MOV10: variants seen among roughly 807,000 people sequenced by gnomAD.
MOV10 encodes the protein Mov10 RNA helicase.
In MOV10, 39 loss-of-function variants were observed where a neutral mutation model predicts 108.4. The observed-to-expected ratio is 0.36, with a 90% CI of 0.28 to 0.47. The LOEUF is 0.47. Among genes scored for constraint, MOV10 ranks in the 20% least tolerant of loss-of-function variants. MOV10 has a pLI of 1.00. For missense variants in MOV10, 952 were observed against 1,297.6 expected, an observed-to-expected ratio of 0.73 and a Z score of 4.09; for synonymous variants, 490 against 523.1, an observed-to-expected ratio of 0.94 and a Z score of 0.86.
At chr1:112,688,091 T>G (rs1673229428) in intron 2 of MOV10, among the ~76,000 whole-genome samples, 1 of 151,986 alleles carries the variant, frequency 6.6e-6, no homozygotes, top group Non-Finnish European at 1.5e-5. Flanking sequence ...ACTGAGCCCC[T>G]CTGTGGCCGA....
chr1:112,680,655 C>CAAAAA (rs1229116415), intron 2 of MOV10, among the ~76,000 whole-genome samples: 1 of 36,888 alleles, frequency 2.7e-5, no homozygotes, highest in Admixed American at 3.9e-4. Context: ...GACTCCGTCT[C>CAAAAA]AAAAAAAAAA....
chr1:112,684,362 G>A (rs1171216691), intron 2 of MOV10, among the ~76,000 whole-genome samples: 1 of 151,196 alleles, frequency 6.6e-6, no homozygotes, highest in Admixed American at 6.6e-5. Flanking sequence ...CCGCCTCCTG[G>A]GTTCAAGCGA....
intron 2 of MOV10, among the ~76,000 whole-genome samples, chr1:112,678,321 G>T (rs945751416): frequency 6.6e-6 from 1 of 152,120 alleles, no homozygotes; most frequent in East Asian, 1.9e-4. Context: ...GAGAGAAGAT[G>T]ATTCTTGCTT....
At chr1:112,690,741 A>T (rs1056503128) in intron 5 of MOV10, among the ~76,000 whole-genome samples, 1 of 152,140 alleles carries the variant, frequency 6.6e-6, no homozygotes, top group African/African-American at 2.4e-5. Context: ...ACAATTCAGT[A>T]ATTTTTTTAG....
In MOV10 at chr1:112,698,106, C is replaced by A. The variant is rs748152573; in HGVS notation, c.2311C>A (p.Arg771=). 6.2e-7 allele frequency: 1 copy of A among 1,613,894 alleles called. No individual in the cohort carries two copies. The highest frequency in any genetic ancestry group is 8.5e-7 in the Non-Finnish European group (1 of 1,179,860). The change falls in exon 15 of 21, where the codon CGA becomes AGA. Residue 771 remains arginine (R), a synonymous_variant. Transcript: ENST00000369645. The part of the protein sequence containing the change: ...ERFCRWAGLP[R]QGFPIIFHGV... ...CTTCTGCCGCTGGGCGGGCCTACCT[C>A]GACAGGTGAGGCTGAGCAGGGCAGG...
At chr1:112,699,360 T>C (rs1242046759) in intron 17 of MOV10, 23 of 737,990 alleles carry the variant, frequency 3.1e-5, no homozygotes, top group Non-Finnish European at 4.2e-5. Context: ...CCCAGGGTTG[T>C]ATATTCTTAA....
chr1:112,685,516 G>A (rs1673002371), intron 2 of MOV10, among the ~76,000 whole-genome samples: 1 of 151,784 alleles, frequency 6.6e-6, no homozygotes, highest in Non-Finnish European at 1.5e-5. Flanking sequence ...TTAGCTGGGT[G>A]TGGTGGCGTG....
At chr1:112,693,802 ATC>A in intron 7 of MOV10, 1 of 464,244 alleles carries the variant, frequency 2.2e-6, no homozygotes, top group Non-Finnish European at 3.9e-6. Flanking sequence ...TGGGCTCGGC[ATC>A]TCTGGGCAGC....
At position 112,694,331 on chromosome 1, in the gene MOV10, G is replaced by A. The variant is rs1385867600; in HGVS notation, c.1296-122G>A. On this transcript the variant is annotated intron_variant, in intron 8 of 20. Transcript: ENST00000369645. This position sits in a 1 kb window ranked among gnomAD's most constrained non-coding sequence, Gnocchi z 4.1. ...GATGCTACGGCAGCTTCCTCTTCTA[G>A]AGAACTTGCATAGAGGTCTTGGAAA... 3 of 1,438,860 alleles carry A rather than the reference G, an allele frequency of 2.1e-6. No individual in the cohort carries two copies. The highest frequency in any genetic ancestry group is 1.4e-5 in the African/African-American group (1 of 70,842). The allele number at this position is 1,438,860 out of a possible 1,614,324, so 89.1% of individuals were successfully genotyped here. A position where few individuals can be genotyped will look rare whatever the true frequency, so the allele number is the denominator to read the frequency against.
chr1:112,698,822 T>G (rs762327163), intron 17 of MOV10, 33 bp downstream of exon 17: 1 of 1,584,028 alleles, frequency 6.3e-7, no homozygotes, highest in South Asian at 1.1e-5. Flanking sequence ...CTCCCTGCCT[T>G]CCGTGTGCCC....
At chr1:112,696,556 GCAGGTATA>G (rs1459546945) in intron 13 of MOV10, 22 bp downstream of exon 13, 1 of 1,611,248 alleles carries the variant, frequency 6.2e-7, no homozygotes, top group African/African-American at 1.3e-5. Flanking sequence ...AGGTGGGGCT[GCAGGTATA>G]CACCCTGTGT....
rs769104261 is a variant in MOV10 at position 112,691,698 on chromosome 1, G to C, written c.870G>C (p.Ala290=). The C allele has an allele frequency of 1.2e-6, 2 of 1,614,086 alleles. No individual in the cohort carries two copies. The highest frequency in any genetic ancestry group is 1.7e-6 in the Non-Finnish European group (2 of 1,180,002). ...AKGYDLELSM[A]LGTYYPPPRL... ...GCTATGACCTGGAGTTAAGTATGGC[G>C]CTGGGGACATACTACCCACCTCCCC... is the stretch of plus-strand genomic sequence containing the variant. The change falls in exon 6 of 21, where the codon GCG becomes GCC. Residue 290 remains alanine, a synonymous_variant. Transcript: ENST00000369645.
chr1:112,698,877 C>G, intron 17 of MOV10, 88 bp downstream of exon 17: 1 of 1,138,708 alleles, frequency 8.8e-7, no homozygotes, highest in East Asian at 2.3e-5. Context: ...CCACTCCAGC[C>G]CACGTCCCCG....
chr1:112,696,907 C>T (rs753271792), intron 14 of MOV10, 61 bp downstream of exon 14: 4 of 1,352,874 alleles, frequency 3.0e-6, no homozygotes, highest in Non-Finnish European at 4.1e-6. Context: ...GCATGCAGAC[C>T]CCACTGGAGA....
At chr1:112,688,617 A>T (rs1333639165) in intron 2 of MOV10, 12 of 1,243,934 alleles carry the variant, frequency 9.6e-6, no homozygotes, top group Non-Finnish European at 1.2e-5. Context: ...AAAGAACTTT[A>T]TGTCTTTCTC....
At position 112,700,640 on chromosome 1, in the gene MOV10, AC is replaced by A. The variant is rs1674567471; in HGVS notation, c.*138del. The A allele has an allele frequency of 1.3e-6, 2 of 1,542,380 alleles. No individual in the cohort carries two copies. Among genetic ancestry groups the A allele is most frequent in the Non-Finnish European group, 1.7e-6 (2 of 1,145,886 alleles). On this transcript the variant is annotated 3_prime_UTR_variant, in exon 21 of 21. Coordinates refer to ENST00000369645, the MANE Select transcript of MOV10 (RefSeq NM_001321324.2). ...GGGAGTTTACAACCCAAGCCATTCC[AC>A]CCCCTCCCCTGCTGGGGAGAATGAC...
At chr1:112,686,481 C>T (rs1053787053) in intron 2 of MOV10, among the ~76,000 whole-genome samples, 6 of 152,132 alleles carry the variant, frequency 3.9e-5, no homozygotes, top group African/African-American at 9.7e-5. Flanking sequence ...CCTTCCTCCC[C>T]GGGTTGTGCT....
chr1:112,695,469 A>G lies in MOV10; in HGVS notation c.1674A>G (p.Ser558=). 6.2e-7 allele frequency: 1 copy of G among 1,614,182 alleles called. No homozygotes were observed. ...AHILACAPSN[S]GADLLCQRLR... ...TCTTGGCCTGCGCTCCATCCAACTCAGGGGCTGACCTACTCTGTCAAAGGC... is the reference window on the plus strand; with the variant it reads ...TCTTGGCCTGCGCTCCATCCAACTCGGGGGCTGACCTACTCTGTCAAAGGC... The change falls in exon 11 of 21, where the codon TCA becomes TCG. Residue 558 remains serine, a synonymous_variant. Transcript: ENST00000369645.
chr1:112,691,798 A>G lies in MOV10; in HGVS notation c.970A>G (p.Lys324Glu). ...FTAPKEIAEI[K>E]AQLETALKWR... ...TGCCCCTAAGGAGATCGCAGAGATC[A>G]AGTAAGTACCATCCCTCTGCACCCC... The change falls in exon 6 of 21, where the codon AAG (lysine) becomes GAG (glutamate). Residue 324 changes from lysine to glutamate, a missense_variant and splice_region_variant. Physicochemically the swap from Lys to Glu is moderately conservative, Grantham distance 56. Coordinates refer to ENST00000369645, the MANE Select transcript of MOV10 (RefSeq NM_001321324.2). 6.2e-7 allele frequency: 1 copy of G among 1,612,606 alleles called. No individual in the cohort carries two copies. The highest frequency in any genetic ancestry group is 8.5e-7 in the Non-Finnish European group (1 of 1,178,714).
Sources: gnomAD v4.1 joint callset for allele counts (sites outside exome capture counted in the v4.1 genomes callset) on GRCh38, gnomAD v4.1.1 for gene constraint, Gnocchi (gnomAD v3.1) non-coding constraint, MANE v1.5 for transcripts, NCBI Gene and HGNC (gene_info 2026-07-23, HGNC 2026-07-21) for gene names.